USP40: variants seen among roughly 807,000 people sequenced by gnomAD.
USP40 encodes the protein ubiquitin specific peptidase 40.
In USP40, 143 loss-of-function variants were observed where a neutral mutation model predicts 166.2. The observed-to-expected ratio is 0.86, with a 90% CI of 0.75 to 0.99. USP40 has a LOEUF of 0.99. Ranked by LOEUF, USP40 falls within the 50% of genes least tolerant of loss-of-function variation. USP40 has a pLI of 0.00. For synonymous variants in USP40, 498 were observed against 524.0 expected, an observed-to-expected ratio of 0.95 and a Z score of 0.68; for missense variants, 1,444 against 1,479.7, an observed-to-expected ratio of 0.98 and a Z score of 0.40.
At chr2:233,542,209 A>AT in intron 9 of USP40, 59 bp downstream of exon 9, 1 of 968,298 alleles carries the variant, frequency 1.0e-6, no homozygotes, top group Non-Finnish European at 1.5e-6. Flanking sequence ...ATATACACAC[A>AT]TGCACACATA....
chr2:233,563,037 T>C (rs964067998), intron 2 of USP40, among the ~76,000 whole-genome samples: 4 of 152,110 alleles, frequency 2.6e-5, no homozygotes, highest in Non-Finnish European at 1.5e-5. Flanking sequence ...GAAAGGAAAA[T>C]AATCTTTATG....
At chr2:233,540,904 T>C (rs1344808890) in intron 9 of USP40, 135 bp from the exon 10 acceptor site, 1 of 452,794 alleles carries the variant, frequency 2.2e-6, no homozygotes, top group Non-Finnish European at 3.7e-6. Context: ...GATTCCATCA[T>C]AATTATTTTA....
At chr2:233,499,522 C>G (rs1452061076) in intron 22 of USP40, among the ~76,000 whole-genome samples, 2 of 152,142 alleles carry the variant, frequency 1.3e-5, no homozygotes, top group Non-Finnish European at 2.9e-5. Flanking sequence ...TGGGTATATA[C>G]CCAGTAATGG....
At position 233,493,436 on chromosome 2, in the gene USP40, G is replaced by A. The variant is rs764152852; in HGVS notation, c.2906C>T (p.Thr969Ile). The A allele has an allele frequency of 1.1e-5, 17 of 1,613,852 alleles. No individual in the cohort carries two copies. Among genetic ancestry groups the A allele is most frequent in the Admixed American group, 5.0e-5 (3 of 59,994 alleles). The change falls in exon 25 of 32, where the codon ACT becomes ATT. Residue 969 changes from threonine (T) to isoleucine (I), a missense_variant. Coordinates refer to ENST00000678225, the MANE Select transcript of USP40 (RefSeq NM_001365479.2). The surrounding 1 kb of genome is among the most constrained non-coding windows in gnomAD (Gnocchi z 4.7). ...CATTCTGTTCTCACCTTGGCTGGAA[G>A]TGGCTCTCCAAACTCTGCCCCAAGA... The part of the protein sequence containing the change: ...TSSWGRVWRA[T>I]SSQGASGNEP...
Position 233,533,598 on chromosome 2 carries a change from T to A in USP40, c.1352A>T (p.Asp451Val), listed in dbSNP as rs775065159. 42 of 1,613,772 alleles carry A rather than the reference T, an allele frequency of 2.6e-5. No homozygotes were observed. The highest frequency in any genetic ancestry group is 3.5e-5 in the Non-Finnish European group (41 of 1,179,842). The change falls in exon 11 of 32, where the codon GAT becomes GTT. Residue 451 changes from aspartate (D) to valine (V), a missense_variant. Transcript: ENST00000678225. ...TGGCTGGACTTTAGAATCATTTATA[T>A]CAAACCAGTGGGGACAGGAGATGCT... ...NNSISCPHWFDINDSKVQPIR... is the reference protein window; with the variant it reads ...NNSISCPHWFVINDSKVQPIR...
In USP40 at chr2:233,480,572, G is replaced by A. The variant is rs2064511933; in HGVS notation, c.3599+631C>T. On this transcript the variant is annotated intron_variant, in intron 31 of 31. Coordinates refer to ENST00000678225, the MANE Select transcript of USP40 (RefSeq NM_001365479.2). The surrounding 1 kb of genome is among the most constrained non-coding windows in gnomAD (Gnocchi z 4.5). Reference sequence around the variant, plus strand: ...CTTGGCCTGACTGCAAGCAGCACCTGCTTCCTCCAGTGGCAGTAAGTGCAG... The same window carrying A: ...CTTGGCCTGACTGCAAGCAGCACCTACTTCCTCCAGTGGCAGTAAGTGCAG... Among the ~76,000 whole-genome samples the A allele has an allele frequency of 6.6e-6, 1 of 152,248 alleles. No individual in the cohort carries two copies. Among genetic ancestry groups the A allele is most frequent in the Non-Finnish European group, 1.5e-5 (1 of 68,050 alleles).
At chr2:233,505,017 C>T (rs1055180105) in intron 21 of USP40, among the ~76,000 whole-genome samples, 1 of 151,884 alleles carries the variant, frequency 6.6e-6, no homozygotes, top group Admixed American at 6.6e-5. Context: ...TTTTTCTAAC[C>T]ACGATAAAAC....
At chr2:233,550,796 T>C (rs1337689782) in intron 7 of USP40, among the ~76,000 whole-genome samples, 1 of 152,200 alleles carries the variant, frequency 6.6e-6, no homozygotes, top group Non-Finnish European at 1.5e-5. Context: ...TTTCTTTCCC[T>C]ATGTCTTAAG....
intron 11 of USP40, 122 bp from the exon 12 acceptor site, chr2:233,529,634 G>T: frequency 1.8e-6 from 1 of 560,428 alleles, no homozygotes. Flanking sequence ...AATTAGCTGT[G>T]TGAATACGAA....
chr2:233,490,474 C>T (rs1559219450), intron 26 of USP40, among the ~76,000 whole-genome samples: 1 of 152,058 alleles, frequency 6.6e-6, no homozygotes, highest in Non-Finnish European at 1.5e-5. Context: ...ACCCAGCCAA[C>T]ATATGCTTTT....
rs184978405 is a variant in USP40, at chr2:233,553,346, A to G, written c.693+1034T>C. Among the ~76,000 whole-genome samples, 1,167 of 152,286 alleles carry G rather than the reference A, an allele frequency of 7.7e-3. 15 individuals are homozygous for G. The highest frequency in any genetic ancestry group is 8.7e-3 in the Non-Finnish European group (593 of 68,022). ...ATGGCTGCTAGAAGATAAAATGGGA[A>G]AAAAACCCACAAAACATTTTTTAAA... On this transcript the variant is annotated intron_variant, in intron 6 of 31. Coordinates refer to ENST00000678225, the MANE Select transcript of USP40 (RefSeq NM_001365479.2).
chr2:233,511,943 C>T, intron 19 of USP40, 146 bp from the exon 20 acceptor site: 1 of 609,458 alleles, frequency 1.6e-6, no homozygotes, highest in East Asian at 2.9e-5. Context: ...GGATTACATG[C>T]ACTAAGATTA....
chr2:233,562,817 T>A lies in USP40; in HGVS notation c.200-14A>T, dbSNP rs2071772332. On this transcript the variant is annotated splice_polypyrimidine_tract_variant and intron_variant, in intron 2 of 31. Coordinates refer to ENST00000678225, the MANE Select transcript of USP40 (RefSeq NM_001365479.2). Reference sequence around the variant, plus strand: ...AAAATAGAGCTTCTAAAGAAAAAGGTAGAATCAGAGATGCAAATGACATCA... The same window carrying A: ...AAAATAGAGCTTCTAAAGAAAAAGGAAGAATCAGAGATGCAAATGACATCA... 3 of 1,513,054 alleles carry A rather than the reference T, an allele frequency of 2.0e-6. No homozygotes were observed. Among genetic ancestry groups the A allele is most frequent in the Non-Finnish European group, 2.7e-6 (3 of 1,130,662 alleles). 93.7% of individuals were successfully genotyped at this position (1,513,054 alleles called of 1,614,324 possible).
intron 18 of USP40, among the ~76,000 whole-genome samples, chr2:233,513,500 T>C (rs1040447237): frequency 1.3e-5 from 2 of 152,196 alleles, no homozygotes; most frequent in Non-Finnish European, 2.9e-5. Context: ...GTGTTATTTA[T>C]GTGATGAATT....
At chr2:233,544,268 G>A (rs2069693384) in intron 8 of USP40, among the ~76,000 whole-genome samples, 1 of 152,114 alleles carries the variant, frequency 6.6e-6, no homozygotes, top group South Asian at 2.1e-4. Context: ...GTCCAGAAGG[G>A]CCCAGAGTTC....
rs2065464774 is a variant in USP40 at position 233,493,276 on chromosome 2, TG to T, written c.2917+148del. On this transcript the variant is annotated intron_variant, in intron 25 of 31. Transcript: ENST00000678225. The surrounding 1 kb of genome is among the most constrained non-coding windows in gnomAD (Gnocchi z 4.7). ...ATGGCACAGTGTTATTATTATGTGA[TG>T]TCTGGAATGACTTATGAAATTAATA... 3 of 1,073,624 alleles carry T rather than the reference TG, an allele frequency of 2.8e-6. No individual in the cohort carries two copies. Among genetic ancestry groups the T allele is most frequent in the East Asian group, 2.6e-5 (1 of 38,774 alleles). 66.5% of individuals were successfully genotyped at this position (1,073,624 alleles called of 1,614,324 possible).
chr2:233,521,200 A>C, intron 16 of USP40, 86 bp from the exon 17 acceptor site: 1 of 1,435,198 alleles, frequency 7.0e-7, no homozygotes, highest in Non-Finnish European at 9.2e-7. Context: ...TAATGTGACT[A>C]ATTAGAGGTG....
chr2:233,480,423 C>G lies in USP40; in HGVS notation c.3599+780G>C, dbSNP rs1169686361. On this transcript the variant is annotated intron_variant, in intron 31 of 31. Transcript: ENST00000678225. The surrounding 1 kb of genome is among the most constrained non-coding windows in gnomAD (Gnocchi z 4.5). ...TGGTGAGGCCTGCATGGAGCTGATGCCACGGGCAGGTCCTGGGACTTGTGG... is the reference window on the plus strand; with the variant it reads ...TGGTGAGGCCTGCATGGAGCTGATGGCACGGGCAGGTCCTGGGACTTGTGG... 6.6e-6 allele frequency among the ~76,000 whole-genome samples: 1 copy of G among 152,196 alleles called. No individual in the cohort carries two copies. Among genetic ancestry groups the G allele is most frequent in the Non-Finnish European group, 1.5e-5 (1 of 68,032 alleles).
At chr2:233,556,657 ATAT>A in intron 5 of USP40, 195 bp downstream of exon 5, 1 of 388,820 alleles carries the variant, frequency 2.6e-6, no homozygotes, top group Non-Finnish European at 4.4e-6. Flanking sequence ...AAGTTTCAAG[ATAT>A]TTGCTTCTTT....
Sources: allele counts gnomAD v4.1 joint callset (sites outside exome capture counted in the v4.1 genomes callset), GRCh38; gene constraint gnomAD v4.1.1; non-coding constraint Gnocchi (gnomAD v3.1); transcripts MANE v1.5; gene names NCBI Gene and HGNC (gene_info 2026-07-23, HGNC 2026-07-21).